Variants in GRID2 observed in about 807,000 individuals in gnomAD.
GRID2 encodes the protein glutamate receptor ionotropic, delta-2.
Under a neutral mutation model 114.8 loss-of-function variants are expected in GRID2, and 33 were observed. The observed-to-expected ratio is 0.29, with a 90% confidence interval of 0.22 to 0.38. The LOEUF (loss-of-function observed/expected upper bound fraction) is 0.38. Ranked by LOEUF, GRID2 falls within the 10% of genes least tolerant of loss-of-function variation. GRID2 has a pLI of 1.00. For synonymous variants in GRID2, 505 were observed against 449.9 expected (o/e 1.12, Z -1.55); for missense variants, 1,184 against 1,257.7 (o/e 0.94, Z 0.89).
intron 1 of GRID2, among the ~76,000 whole-genome samples, chr4:92,455,681 A>G (rs573909173): frequency 6.6e-6 from 1 of 152,188 alleles, no homozygotes; most frequent in Non-Finnish European, 1.5e-5. Flanking sequence ...TTTGGAAAGC[A>G]GTACCGGAGT....
chr4:93,112,340 T>C lies in GRID2; in HGVS notation c.735+1387T>C, dbSNP rs1220460843. On this transcript the variant is annotated intron_variant, in intron 4 of 15. Transcript: ENST00000282020. ...TCTGTGCCTCCACCCAAATCTCATC[T>C]TGAATGGTAATTCCCACGTGTTGAG... The C allele has an allele frequency of 7.2e-5, 11 of 152,286 alleles. No individual in the cohort carries two copies. The East Asian group carries it at 2.1e-3, about 30-fold the overall frequency. 9.4% of individuals were successfully genotyped at this position (152,286 alleles called of 1,614,324 possible). A position where few individuals can be genotyped will look rare whatever the true frequency, so the allele number is the denominator to read the frequency against.
intron 13 of GRID2, among the ~76,000 whole-genome samples, chr4:93,579,976 G>T (rs1736801229): frequency 6.6e-6 from 1 of 152,158 alleles, no homozygotes; most frequent in South Asian, 2.1e-4. Flanking sequence ...TATGTTCTTT[G>T]TTATTAAGGC....
In GRID2 at chr4:92,822,568, C is replaced by A. The variant is rs140563019; in HGVS notation, c.244+232282C>A. 4.3e-4 allele frequency: 116 copies of A among 269,008 alleles called. 1 individual carries two copies. Among genetic ancestry groups the A allele is most frequent in the African/African-American group, 2.3e-3 (101 of 43,838 alleles). 16.7% of individuals were successfully genotyped at this position (269,008 alleles called of 1,614,324 possible). A position where few individuals can be genotyped will look rare whatever the true frequency, so the allele number is the denominator to read the frequency against. On this transcript the variant is annotated intron_variant, in intron 2 of 15. Coordinates refer to ENST00000282020, the MANE Select transcript of GRID2 (RefSeq NM_001510.4). ...ACGGTTTTATCTCAGGATCTAGAGA[C>A]AATCTACAGGTTGTCAATGGAGAAG...
intron 1 of GRID2, among the ~76,000 whole-genome samples, chr4:92,420,766 C>T (rs1032686193): frequency 6.6e-6 from 1 of 152,174 alleles, no homozygotes; most frequent in Non-Finnish European, 1.5e-5. Flanking sequence ...CTCACTGCAA[C>T]ATCCACCTTC....
At chr4:93,211,254 G>A (rs1023451270) in intron 5 of GRID2, among the ~76,000 whole-genome samples, 1 of 151,912 alleles carries the variant, frequency 6.6e-6, no homozygotes, top group East Asian at 1.9e-4. Flanking sequence ...GGAAGAAATG[G>A]CATCTTCATA....
intron 13 of GRID2, among the ~76,000 whole-genome samples, chr4:93,589,871 A>G (rs1455041070): frequency 1.3e-5 from 2 of 151,406 alleles, no homozygotes; most frequent in Non-Finnish European, 3.0e-5. Flanking sequence ...GTGTCTGTTC[A>G]TGTCCTTTGC....
In GRID2 at chr4:92,741,055, T is replaced by C. The variant is rs575400893; in HGVS notation, c.244+150769T>C. ...CACCATGCCCAGCCTATAATTCTTTTCATATGTGATCTGCAAATTTTCAGT... is the reference window on the plus strand; with the variant it reads ...CACCATGCCCAGCCTATAATTCTTTCCATATGTGATCTGCAAATTTTCAGT... On this transcript the variant is annotated intron_variant, in intron 2 of 15. Transcript: ENST00000282020. Among the ~76,000 whole-genome samples the C allele has an allele frequency of 2.0e-5, 3 of 152,278 alleles. No individual in the cohort carries two copies. In the South Asian group the frequency reaches 6.2e-4, roughly 32 times the overall value.
intron 5 of GRID2, among the ~76,000 whole-genome samples, chr4:93,211,905 C>G (rs1435334043): frequency 2.0e-5 from 3 of 152,052 alleles, no homozygotes; most frequent in African/African-American, 4.8e-5. Flanking sequence ...TCAAATTATT[C>G]CATTCACCCG....
intron 2 of GRID2, among the ~76,000 whole-genome samples, chr4:92,921,414 G>T (rs939435895): frequency 6.6e-6 from 1 of 152,138 alleles, no homozygotes; most frequent in Non-Finnish European, 1.5e-5. Flanking sequence ...CTTTGAAGGA[G>T]GAGAGGCGCT....
chr4:93,092,089 G>A (rs764126967), intron 3 of GRID2, among the ~76,000 whole-genome samples: 10 of 152,110 alleles, frequency 6.6e-5, no homozygotes, highest in Admixed American at 1.3e-4. Flanking sequence ...AAAAGGTGAA[G>A]AAGATAAAGC....
At chr4:92,934,540 T>G (rs1252233739) in intron 2 of GRID2, among the ~76,000 whole-genome samples, 1 of 146,080 alleles carries the variant, frequency 6.8e-6, no homozygotes, top group African/African-American at 2.4e-5. Flanking sequence ...AAAACTACTT[T>G]AAAGTTCATA....
chr4:92,583,670 T>C (rs62310106), intron 1 of GRID2, among the ~76,000 whole-genome samples: 56,694 of 148,648 alleles, frequency 0.38, 10,726 homozygotes, highest in Middle Eastern at 0.46. Flanking sequence ...TATATATATA[T>C]ACACACACAT....
intron 1 of GRID2, among the ~76,000 whole-genome samples, chr4:92,547,774 G>T (rs17019548): frequency 0.21 from 32,240 of 151,756 alleles, 3,806 homozygotes; most frequent in South Asian, 0.29. Context: ...TAAGTAGGGA[G>T]GATTTAAATG....
chr4:93,648,149 A>G (rs1014425096), intron 14 of GRID2, among the ~76,000 whole-genome samples: 3 of 152,164 alleles, frequency 2.0e-5, no homozygotes, highest in African/African-American at 7.2e-5. Flanking sequence ...AAAATTATAA[A>G]CAGGAACATG....
chr4:92,364,955 T>A (rs933655037), intron 1 of GRID2, among the ~76,000 whole-genome samples: 1 of 152,064 alleles, frequency 6.6e-6, no homozygotes, highest in Non-Finnish European at 1.5e-5. Flanking sequence ...CTACATTCCT[T>A]CATCAATTTT....
chr4:93,760,796 G>A lies in GRID2; in HGVS notation c.2361-8414G>A, dbSNP rs547206119. ...TCTGCCTCAGTTCATTGTCTTACCC[G>A]TTCTTAGTAAATCATAATCACTTCC... On this transcript the variant is annotated intron_variant, in intron 14 of 15. Coordinates refer to ENST00000282020, the MANE Select transcript of GRID2 (RefSeq NM_001510.4). Among the ~76,000 whole-genome samples, 70 of 152,200 alleles carry A rather than the reference G, an allele frequency of 4.6e-4. 1 individual carries two copies. The highest frequency in any genetic ancestry group is 1.6e-3 in the African/African-American group (67 of 41,538).
At chr4:93,732,617 T>G (rs1730583615) in intron 14 of GRID2, among the ~76,000 whole-genome samples, 1 of 152,130 alleles carries the variant, frequency 6.6e-6, no homozygotes, top group African/African-American at 2.4e-5. Context: ...CTTTGTGTGG[T>G]TAAAATGGCT....
At chr4:93,102,570 G>A (rs1452181209) in intron 3 of GRID2, among the ~76,000 whole-genome samples, 1 of 151,610 alleles carries the variant, frequency 6.6e-6, no homozygotes, top group Non-Finnish European at 1.5e-5. Flanking sequence ...TAGGCCAGAG[G>A]ACATGGAGAG....
At chr4:93,295,231 A>G (rs1754167582) in intron 8 of GRID2, among the ~76,000 whole-genome samples, 2 of 152,186 alleles carry the variant, frequency 1.3e-5, no homozygotes, top group Admixed American at 6.5e-5. Flanking sequence ...TTTAAAATAA[A>G]TCATGGAGTG....
Sources: gnomAD v4.1 joint callset for allele counts (sites outside exome capture counted in the v4.1 genomes callset) on GRCh38, gnomAD v4.1.1 for gene constraint, MANE v1.5 for transcripts, NCBI Gene and HGNC (gene_info 2026-07-23, HGNC 2026-07-21) for gene names.